Variants in PRKAB2 observed in about 807,000 individuals in gnomAD.
PRKAB2 encodes 5'-AMP-activated protein kinase subunit beta-2.
In PRKAB2, 18 loss-of-function variants were observed where a neutral mutation model predicts 29.8. The observed-to-expected ratio is 0.60, with a 90% CI of 0.42 to 0.89. The LOEUF (loss-of-function observed/expected upper bound fraction) is 0.89, where lower values mean the gene tolerates loss of function less well. Ranked by LOEUF, PRKAB2 falls within the 40% of genes least tolerant of loss-of-function variation. The pLI is 0.00. For missense variants in PRKAB2, 270 were observed against 344.3 expected (o/e 0.78, Z 1.71); for synonymous variants, 136 against 125.9 (o/e 1.08, Z -0.54).
intron 7 of PRKAB2, among the ~76,000 whole-genome samples, chr1:147,161,395 G>A (rs1653951346): frequency 6.6e-6 from 1 of 151,880 alleles, no homozygotes; most frequent in African/African-American, 2.4e-5. Context: ...AGCTAAACCT[G>A]CTTTTTCTGC....
intron 7 of PRKAB2, among the ~76,000 whole-genome samples, chr1:147,160,492 A>G (rs1432350903): frequency 2.0e-5 from 3 of 152,162 alleles, no homozygotes; most frequent in African/African-American, 7.2e-5. Context: ...AAAATCCATC[A>G]GATCCCAAAG....
chr1:147,157,173 G>A lies in PRKAB2; in HGVS notation c.*2392C>T, dbSNP rs1378426147. 1 of 152,098 alleles carries A rather than the reference G, an allele frequency of 6.6e-6. No individual in the cohort carries two copies. The highest frequency in any genetic ancestry group is 6.6e-5 in the Admixed American group (1 of 15,262). The allele number at this position is 152,098 out of a possible 1,614,324, so 9.4% of individuals were successfully genotyped here. On this transcript the variant is annotated 3_prime_UTR_variant, in exon 8 of 8. Transcript: ENST00000254101. ...CTAATCAATATACAATGATAAATGA[G>A]TAGTACTTTGGGTTACTTCCTTCTC...
In PRKAB2 at chr1:147,160,018, A is replaced by G. The variant is rs138535987; in HGVS notation, c.742-376T>C. On this transcript the variant is annotated intron_variant, in intron 7 of 7. Coordinates refer to ENST00000254101, the MANE Select transcript of PRKAB2 (RefSeq NM_005399.5). ...TAATGTTGGGCCTAAAACTAGCAAG[A>G]AAAACAAAAAAGAACAAAATATTCT... is the stretch of plus-strand genomic sequence containing the variant. Among the ~76,000 whole-genome samples, 59 of 152,302 alleles carry G rather than the reference A, an allele frequency of 3.9e-4. No homozygotes were observed. The East Asian group carries it at 0.01, about 26-fold the overall frequency.
chr1:147,166,399 C>A, intron 5 of PRKAB2, 99 bp downstream of exon 5: 7 of 1,298,530 alleles, frequency 5.4e-6, no homozygotes, highest in Non-Finnish European at 7.3e-6. Flanking sequence ...CAACCCCCTG[C>A]TCTCTCTCTC....
Position 147,158,149 on chromosome 1 carries a change from T to A in PRKAB2, c.*1416A>T, listed in dbSNP as rs992230741. On this transcript the variant is annotated 3_prime_UTR_variant, in exon 8 of 8. Coordinates refer to ENST00000254101, the MANE Select transcript of PRKAB2 (RefSeq NM_005399.5). ...GCCCCAGCTACTTGGGAAAAAATGTTTTATCTCTGAACCCCAAAAGTGGAT... is the reference window on the plus strand; with the variant it reads ...GCCCCAGCTACTTGGGAAAAAATGTATTATCTCTGAACCCCAAAAGTGGAT... The A allele has an allele frequency of 6.6e-6, 1 of 152,094 alleles. No individual in the cohort carries two copies. The highest frequency in any genetic ancestry group is 6.5e-5 in the Admixed American group (1 of 15,270). 9.4% of individuals were successfully genotyped at this position (152,094 alleles called of 1,614,324 possible).
chr1:147,162,519 G>T lies in PRKAB2; in HGVS notation c.593C>A (p.Ser198Tyr), dbSNP rs782054210. 2 of 1,611,966 alleles carry T rather than the reference G, an allele frequency of 1.2e-6. No homozygotes were observed. Among genetic ancestry groups the T allele is most frequent in the African/African-American group, 1.3e-5 (1 of 74,958 alleles). The part of the protein sequence containing the change: ...PYGQEMYAFR[S>Y]EERFKSPPIL... ...GGGTGGGGATTTGAATCTTTCCTCA[G>T]ATCGAAACGCATACATTTCTTGACC... The change falls in exon 6 of 8, where the codon TCT (serine) becomes TAT (tyrosine). Residue 198 changes from serine to tyrosine, a missense_variant. By Grantham distance (144) the Ser-to-Tyr change is moderately radical (BLOSUM62 -2). Coordinates refer to ENST00000254101, the MANE Select transcript of PRKAB2 (RefSeq NM_005399.5).
chr1:147,162,580 G>C lies in PRKAB2; in HGVS notation c.539-7C>G. On this transcript the variant is annotated splice_region_variant and splice_polypyrimidine_tract_variant and intron_variant, in intron 5 of 7. Transcript: ENST00000254101. ...GGGGGTGAGCTGGAAAGGTCTGAAAGATATTTATACAAATATGAGAAAGAG... is the reference window on the plus strand; with the variant it reads ...GGGGGTGAGCTGGAAAGGTCTGAAACATATTTATACAAATATGAGAAAGAG... The C allele has an allele frequency of 6.2e-7, 1 of 1,601,484 alleles. No homozygotes were observed. Among genetic ancestry groups the C allele is most frequent in the South Asian group, 1.1e-5 (1 of 89,226 alleles).
At chr1:147,167,660 G>A (rs1654317077) in intron 3 of PRKAB2, 107 bp downstream of exon 3, 1 of 1,332,678 alleles carries the variant, frequency 7.5e-7, no homozygotes, top group African/African-American at 1.5e-5. Flanking sequence ...GCATGTTCTA[G>A]AGACAGTCCT....
In PRKAB2 at chr1:147,157,721, T is replaced by TTA. The variant is rs2101610870; in HGVS notation, c.*1842_*1843dup. 6.6e-6 allele frequency: 1 copy of TTA among 152,190 alleles called. No individual in the cohort carries two copies. The highest frequency in any genetic ancestry group is 2.1e-4 in the South Asian group (1 of 4,822). The allele number at this position is 152,190 out of a possible 1,614,324, so 9.4% of individuals were successfully genotyped here. On this transcript the variant is annotated 3_prime_UTR_variant, in exon 8 of 8. Transcript: ENST00000254101. ...GAAGGCTGTAAATCCTGAGAGTTGG[T>TTA]TATAATAGGATCTGGCCTGGATTTT...
At chr1:147,170,636 G>A (rs1391237430) in intron 2 of PRKAB2, among the ~76,000 whole-genome samples, 1 of 152,042 alleles carries the variant, frequency 6.6e-6, no homozygotes, top group African/African-American at 2.4e-5. Flanking sequence ...CTGGAGTGCA[G>A]TGGTTTGATC....
At chr1:147,167,142 G>A (rs587767945) in intron 3 of PRKAB2, among the ~76,000 whole-genome samples, 3 of 152,204 alleles carry the variant, frequency 2.0e-5, no homozygotes, top group South Asian at 2.1e-4. Flanking sequence ...TCCCAACAAC[G>A]TTAGTTCTTA....
At position 147,157,277 on chromosome 1, in the gene PRKAB2, G is replaced by A. The variant is rs1348437556; in HGVS notation, c.*2288C>T. 1.3e-5 allele frequency: 2 copies of A among 152,116 alleles called. No individual in the cohort carries two copies. Among genetic ancestry groups the A allele is most frequent in the Non-Finnish European group, 2.9e-5 (2 of 68,020 alleles). The allele number at this position is 152,116 out of a possible 1,614,324, so 9.4% of individuals were successfully genotyped here. A position where few individuals can be genotyped will look rare whatever the true frequency, so the allele number is the denominator to read the frequency against. On this transcript the variant is annotated 3_prime_UTR_variant, in exon 8 of 8. Transcript: ENST00000254101. ...GTATCAGCAGTATAGAAAAGGGACA[G>A]TGCTGAATGAGTCAGCACCCAGTGC...
intron 2 of PRKAB2, among the ~76,000 whole-genome samples, chr1:147,170,578 GGTTTTTTTGTTTTTTT>G (rs587697112): frequency 6.6e-6 from 1 of 151,696 alleles, no homozygotes; most frequent in Non-Finnish European, 1.5e-5. Context: ...GATTATGGTT[GGTTTTTTTGTTTTTTT>G]GTTTTTTTGT....
Position 147,171,556 on chromosome 1 carries a change from T to C in PRKAB2, c.156+433A>G, listed in dbSNP as rs181245706. 1.2e-3 allele frequency among the ~76,000 whole-genome samples: 186 copies of C among 152,304 alleles called. 1 individual carries two copies. Among genetic ancestry groups the C allele is most frequent in the Non-Finnish European group, 2.1e-3 (142 of 68,022 alleles). On this transcript the variant is annotated intron_variant, in intron 2 of 7. Transcript: ENST00000254101. ...AAATGATACTGATACATAGAAATTT[T>C]CAGAAAAAGAATTTCATTTAGCCAC...
rs1166197663 is a variant in PRKAB2 at position 147,158,554 on chromosome 1, A to G, written c.*1011T>C. ...CCAATGCGGTCTCTTAAGACCAATG[A>G]AAAGGCATTTTTTAATTAAAAAAAA... On this transcript the variant is annotated 3_prime_UTR_variant, in exon 8 of 8. Coordinates refer to ENST00000254101, the MANE Select transcript of PRKAB2 (RefSeq NM_005399.5). 5 of 152,120 alleles carry G rather than the reference A, an allele frequency of 3.3e-5. No homozygotes were observed. Among genetic ancestry groups the G allele is most frequent in the Non-Finnish European group, 5.9e-5 (4 of 68,000 alleles). The allele number at this position is 152,120 out of a possible 1,614,324, so 9.4% of individuals were successfully genotyped here. A position where few individuals can be genotyped will look rare whatever the true frequency, so the allele number is the denominator to read the frequency against.
At position 147,157,532 on chromosome 1, in the gene PRKAB2, C is replaced by A. The variant is rs967602448; in HGVS notation, c.*2033G>T. 1 of 152,142 alleles carries A rather than the reference C, an allele frequency of 6.6e-6. No individual in the cohort carries two copies. Among genetic ancestry groups the A allele is most frequent in the South Asian group, 2.1e-4 (1 of 4,830 alleles). 9.4% of individuals were successfully genotyped at this position (152,142 alleles called of 1,614,324 possible). ...TTTCCTGCCCCACTCTACTGAAACA[C>A]CTGTGTGGAGTAAAAATTTTCATAC... On this transcript the variant is annotated 3_prime_UTR_variant, in exon 8 of 8. Transcript: ENST00000254101.
In PRKAB2 at chr1:147,161,777, C is replaced by A; in HGVS notation, c.676G>T (p.Asp226Tyr). 6.2e-7 allele frequency: 1 copy of A among 1,607,286 alleles called. No homozygotes were observed. Among genetic ancestry groups the A allele is most frequent in the South Asian group, 1.1e-5 (1 of 89,964 alleles). ...TTGGGCTCAGGGAGTAAGGCTGGGT[C>A]ACACTAAGAGAAAGAGAAAAAAATT... ...ILNKDTNISC[D>Y]PALLPEPNHV... The change falls in exon 7 of 8, where the codon GAC (aspartate) becomes TAC (tyrosine). Residue 226 changes from aspartate (D) to tyrosine (Y), a missense_variant. Asp to Tyr is a radical substitution (Grantham distance 160). Coordinates refer to ENST00000254101, the MANE Select transcript of PRKAB2 (RefSeq NM_005399.5).
At chr1:147,161,536 T>C (rs1242291059) in intron 7 of PRKAB2, 176 bp downstream of exon 7, 2 of 551,116 alleles carry the variant, frequency 3.6e-6, no homozygotes, top group Non-Finnish European at 6.3e-6. Flanking sequence ...ACACAGAGAC[T>C]GAGATTTTAA....
intron 2 of PRKAB2, among the ~76,000 whole-genome samples, chr1:147,170,578 G>GGTTTTTTT (rs587697112): frequency 6.6e-6 from 1 of 151,696 alleles, no homozygotes; most frequent in African/African-American, 2.4e-5. Context: ...GATTATGGTT[G>GGTTTTTTT]GTTTTTTTGT....
Sources: gnomAD v4.1 joint callset for allele counts (sites outside exome capture counted in the v4.1 genomes callset) on GRCh38, gnomAD v4.1.1 for gene constraint, MANE v1.5 for transcripts, NCBI Gene and HGNC (gene_info 2026-07-23, HGNC 2026-07-21) for gene names.